MMUT: variants seen among roughly 807,000 people sequenced by gnomAD.
The protein encoded by MMUT is methylmalonyl-CoA mutase, also known as methylmalonyl-CoA mutase, mitochondrial.
MMUT carries 79 observed loss-of-function variants against 79.9 expected under a neutral mutation model. That is an observed-to-expected ratio of 0.99 (90% CI 0.82 to 1.19). The LOEUF is 1.19. Ranked by LOEUF, MMUT falls within the 50% of genes most tolerant of loss-of-function variation. MMUT has a pLI of 0.00. For synonymous variants in MMUT, 273 were observed against 295.7 expected (o/e 0.92, Z 0.79); for missense variants, 860 against 917.2 (o/e 0.94, Z 0.81).
At chr6:49,453,780 G>A (rs763553703) in intron 4 of MMUT, 24 bp from the exon 5 acceptor site, 90 of 1,585,170 alleles carry the variant, frequency 5.7e-5, no homozygotes, top group Non-Finnish European at 7.3e-5. Flanking sequence ...GTTAGGTCCA[G>A]AATTTAATTA....
chr6:49,458,140 T>TA (rs1767742184), intron 2 of MMUT, 82 bp from the exon 3 acceptor site: 2 of 1,379,336 alleles, frequency 1.4e-6, no homozygotes, highest in African/African-American at 1.4e-5. Context: ...CTACTAAAAA[T>TA]GTTGATTCAT....
chr6:49,440,383 T>C, intron 10 of MMUT, 30 bp from the exon 11 acceptor site: 1 of 1,606,882 alleles, frequency 6.2e-7, no homozygotes, highest in South Asian at 1.1e-5. Flanking sequence ...ATATCAGTAG[T>C]TAGATACTAA....
At position 49,459,436 on chromosome 6, in the gene MMUT, G is replaced by A; in HGVS notation, c.31C>T (p.Leu11Phe). 3 of 1,613,140 alleles carry A rather than the reference G, an allele frequency of 1.9e-6. No homozygotes were observed. The highest frequency in any genetic ancestry group is 1.1e-5 in the South Asian group (1 of 91,040). ...ACCTGCCTCAGGTAATGAGGTGAAA[G>A]TAAAAAAAGCTGATTCTTAGCTCTT... MLRAKNQLFL[L>F]SPHYLRQVKE... The change falls in exon 2 of 13, where the codon CTT becomes TTT. Residue 11 changes from leucine to phenylalanine, a missense_variant. Physicochemically the swap from Leu to Phe is conservative, Grantham distance 22 (BLOSUM62 0). Coordinates refer to ENST00000274813, the MANE Select transcript of MMUT (RefSeq NM_000255.4).
intron 3 of MMUT, 122 bp downstream of exon 3, chr6:49,457,569 A>G (rs1469184365): frequency 2.3e-6 from 2 of 861,818 alleles, no homozygotes; most frequent in Non-Finnish European, 3.4e-6. Flanking sequence ...AAAAAGTAAC[A>G]ATAACAAAAC....
At chr6:49,440,748 A>G (rs973388474) in intron 10 of MMUT, among the ~76,000 whole-genome samples, 1 of 152,236 alleles carries the variant, frequency 6.6e-6, no homozygotes, top group East Asian at 1.9e-4. Context: ...CTGTAAGCAC[A>G]TAACACTGAG....
chr6:49,439,827 A>T (rs765809773), intron 11 of MMUT, among the ~76,000 whole-genome samples: 1 of 152,158 alleles, frequency 6.6e-6, no homozygotes, highest in Non-Finnish European at 1.5e-5. Context: ...CTCACCAATA[A>T]GTCCAGTATG....
chr6:49,442,416 T>G (rs914831635), intron 9 of MMUT, among the ~76,000 whole-genome samples: 1 of 152,136 alleles, frequency 6.6e-6, no homozygotes, highest in Admixed American at 6.6e-5. Context: ...TATATCTCTA[T>G]ATCTACTATA....
At chr6:49,462,483 A>G (rs139481482) in intron 1 of MMUT, among the ~76,000 whole-genome samples, 1 of 152,330 alleles carries the variant, frequency 6.6e-6, no homozygotes, top group African/African-American at 2.4e-5. Flanking sequence ...AAAATCATCA[A>G]GTGGTTTAAA....
At chr6:49,433,618 AAG>A (rs1356061045) in intron 12 of MMUT, among the ~76,000 whole-genome samples, 1 of 152,154 alleles carries the variant, frequency 6.6e-6, no homozygotes, top group Non-Finnish European at 1.5e-5. Context: ...GACTGCTGCT[AAG>A]AGAGTTAGAA....
chr6:49,435,516 T>C lies in MMUT; in HGVS notation c.2064A>G (p.Glu688=), dbSNP rs1191368860. The change falls in exon 12 of 13, where the codon GAA becomes GAG. Residue 688 remains glutamate, a synonymous_variant. Transcript: ENST00000274813. Reference sequence around the variant, plus strand: ...TATCTGGCCGTCCAAGGGAGTTAAGTTCTTTGATGAGTTCAGGAACTAGGG... The same window carrying C: ...TATCTGGCCGTCCAAGGGAGTTAAGCTCTTTGATGAGTTCAGGAACTAGGG... ...HKTLVPELIK[E]LNSLGRPDIL... The C allele has an allele frequency of 1.2e-6, 2 of 1,614,046 alleles. No homozygotes were observed. Among genetic ancestry groups the C allele is most frequent in the African/African-American group, 2.7e-5 (2 of 74,924 alleles).
At chr6:49,446,603 A>C (rs180920669) in intron 8 of MMUT, among the ~76,000 whole-genome samples, 1 of 151,894 alleles carries the variant, frequency 6.6e-6, no homozygotes, top group African/African-American at 2.4e-5. Flanking sequence ...AATAGTAACT[A>C]CCTGTTAAAT....
intron 10 of MMUT, among the ~76,000 whole-genome samples, chr6:49,441,327 G>A (rs1767268153): frequency 6.6e-6 from 1 of 151,870 alleles, no homozygotes; most frequent in Non-Finnish European, 1.5e-5. Flanking sequence ...TTTCAATTAT[G>A]AAAATTAAGA....
Position 49,459,650 on chromosome 6 carries a change from A to C in MMUT, c.-39-145T>G. On this transcript the variant is annotated intron_variant, in intron 1 of 12. Transcript: ENST00000274813. ...TTCTGCTTCCTGCACCTGATATTTT[A>C]TAACTTTGGCCCCTCTTCTTCACAA... 3 of 706,778 alleles carry C rather than the reference A, an allele frequency of 4.2e-6. No individual in the cohort carries two copies. In the South Asian group the frequency reaches 5.9e-5, roughly 14 times the overall value. 43.8% of individuals were successfully genotyped at this position (706,778 alleles called of 1,614,324 possible).
intron 11 of MMUT, among the ~76,000 whole-genome samples, chr6:49,437,640 T>C (rs1247564310): frequency 6.6e-6 from 1 of 152,166 alleles, no homozygotes; most frequent in Non-Finnish European, 1.5e-5. Flanking sequence ...TTAGTGGTTC[T>C]AGCAATCCTG....
At chr6:49,449,617 G>T (rs1767499118) in intron 6 of MMUT, among the ~76,000 whole-genome samples, 1 of 152,004 alleles carries the variant, frequency 6.6e-6, no homozygotes, top group Admixed American at 6.5e-5. Context: ...ACCAAATACA[G>T]ACAGAAGTAA....
intron 1 of MMUT, among the ~76,000 whole-genome samples, chr6:49,459,772 A>G (rs1767794825): frequency 6.6e-6 from 1 of 152,116 alleles, no homozygotes; most frequent in African/African-American, 2.4e-5. Context: ...TTCTATACGA[A>G]TCCCTTCCAT....
chr6:49,457,707 AAT>A lies in MMUT; in HGVS notation c.735_736del (p.Phe246Ter), dbSNP rs756533944. 1 of 1,611,194 alleles carries A rather than the reference AAT, an allele frequency of 6.2e-7. No individual in the cohort carries two copies. ...AAAGTATACCTTTGCTGTATATTCA[AAT>A]ATGTCAGCAATAATTTTCATGGATG... On this transcript the variant is annotated frameshift_variant, in exon 3 of 13. Coordinates refer to ENST00000274813, the MANE Select transcript of MMUT (RefSeq NM_000255.4). LOFTEE classifies it high-confidence loss of function.
At position 49,447,367 on chromosome 6, in the gene MMUT, T is replaced by C. The variant is rs182948825; in HGVS notation, c.1560+303A>G. Among the ~76,000 whole-genome samples, 160 of 151,980 alleles carry C rather than the reference T, an allele frequency of 1.1e-3. 2 individuals carry two copies. Among genetic ancestry groups the C allele is most frequent in the African/African-American group, 3.7e-3 (153 of 41,556 alleles). ...AGCCTTGGTTTTAATCTATAAATTATGGAAGGTATTATTATTGTAGTGTGG... is the reference window on the plus strand; with the variant it reads ...AGCCTTGGTTTTAATCTATAAATTACGGAAGGTATTATTATTGTAGTGTGG... On this transcript the variant is annotated intron_variant, in intron 8 of 12. Transcript: ENST00000274813.
At chr6:49,463,067 G>A (rs1174007376) in intron 1 of MMUT, 36 bp downstream of exon 1, 1 of 152,648 alleles carries the variant, frequency 6.6e-6, no homozygotes, top group Non-Finnish European at 1.5e-5. Flanking sequence ...GGAGCCAGAA[G>A]AATGGAGCGA....
Sources: gnomAD v4.1 joint callset for allele counts (sites outside exome capture counted in the v4.1 genomes callset) on GRCh38, gnomAD v4.1.1 for gene constraint, MANE v1.5 for transcripts, NCBI Gene and HGNC (gene_info 2026-07-23, HGNC 2026-07-21) for gene names.